The following BLTP2 variants were observed in gnomAD, a reference collection of about 807,000 sequenced individuals.
BLTP2 encodes the protein bridge-like lipid transfer protein family member 2, also known as U937-associated antigen.
the BLTP2 span, chr17:28,637,747 C>T: frequency 7.3e-7 from 1 of 1,365,818 alleles, no homozygotes; most frequent in South Asian, 1.3e-5. Context: ...TCTCAGCTCA[C>T]TGCAAACTCT....
the BLTP2 span, chr17:28,642,106 T>G: frequency 6.2e-7 from 1 of 1,606,352 alleles, no homozygotes. Flanking sequence ...CTCTAAGGTG[T>G]ATGTAAGAAA....
the BLTP2 span, among the ~76,000 whole-genome samples, chr17:28,627,410 ATT>A: frequency 3.5e-5 from 5 of 141,290 alleles, no homozygotes; most frequent in Admixed American, 7.1e-5. Flanking sequence ...CAATACCTCC[ATT>A]TTTTTTTTTT....
chr17:28,632,255 C>A, the BLTP2 span: 1 of 1,579,758 alleles, frequency 6.3e-7, no homozygotes, highest in Non-Finnish European at 8.6e-7. Context: ...AAGAGAAAGA[C>A]AGACATTTCC....
chr17:28,633,482 C>T, the BLTP2 span: 6 of 1,578,534 alleles, frequency 3.8e-6, no homozygotes, highest in Non-Finnish European at 8.7e-7. Context: ...GTCTCTCTTC[C>T]CACATGTGCT....
chr17:28,633,604 T>A, the BLTP2 span: 1 of 1,614,064 alleles, frequency 6.2e-7, no homozygotes, highest in Non-Finnish European at 8.5e-7. Flanking sequence ...CCAGTCTCCA[T>A]GGAACAGAAG....
chr17:28,639,164 G>A, the BLTP2 span: 2 of 767,646 alleles, frequency 2.6e-6, no homozygotes, highest in South Asian at 3.2e-5. Flanking sequence ...TAGTCTAATG[G>A]GAAAGATATA....
At chr17:28,616,947 C>T in the BLTP2 span, 2 of 1,613,982 alleles carry the variant, frequency 1.2e-6, no homozygotes, top group Non-Finnish European at 1.7e-6. This position sits in a 1 kb window ranked among gnomAD's most constrained non-coding sequence, Gnocchi z 4.8. Flanking sequence ...GCTGAAGAGG[C>T]GGAGAGCTAG....
At chr17:28,616,754 C>T in the BLTP2 span, 1 of 1,613,762 alleles carries the variant, frequency 6.2e-7, no homozygotes, top group Non-Finnish European at 8.5e-7. The surrounding 1 kb of genome is among the most constrained non-coding windows in gnomAD (Gnocchi z 4.8). Context: ...CCACATTTAC[C>T]TAAAAAGGAA....
chr17:28,625,417 T>TA, the BLTP2 span, among the ~76,000 whole-genome samples: 1 of 150,988 alleles, frequency 6.6e-6, no homozygotes, highest in African/African-American at 2.4e-5. Flanking sequence ...AATATTCTCT[T>TA]ACCTCTATGC....
chr17:28,628,497 T>A, the BLTP2 span: 1 of 1,614,000 alleles, frequency 6.2e-7, no homozygotes, highest in Admixed American at 1.7e-5. Flanking sequence ...AGGAAATCCG[T>A]AAATCTACTA....
the BLTP2 span, chr17:28,642,483 C>CTACTAAAAA: frequency 1.5e-6 from 1 of 664,352 alleles, no homozygotes; most frequent in Non-Finnish European, 2.6e-6. Flanking sequence ...AACCTCATCT[C>CTACTAAAAA]TACTAAAAAT....
chr17:28,616,480 T>C, the BLTP2 span: 1 of 1,614,204 alleles, frequency 6.2e-7, no homozygotes, highest in Non-Finnish European at 8.5e-7. The surrounding 1 kb of genome is among the most constrained non-coding windows in gnomAD (Gnocchi z 4.8). Context: ...TCTGTTGCAA[T>C]CAGCTGCCGA....
chr17:28,641,770 C>T, the BLTP2 span: 1 of 924,246 alleles, frequency 1.1e-6, no homozygotes, highest in East Asian at 2.4e-5. Context: ...TCCTTAGGGT[C>T]AAAGTCCATG....
the BLTP2 span, chr17:28,642,112 A>T: frequency 6.2e-7 from 1 of 1,605,440 alleles, no homozygotes; most frequent in Non-Finnish European, 8.5e-7. Context: ...GGTGTATGTA[A>T]GAAAGTTTGG....
the BLTP2 span, chr17:28,616,740 G>A: frequency 1.9e-6 from 3 of 1,614,156 alleles, no homozygotes; most frequent in Admixed American, 1.7e-5. This position sits in a 1 kb window ranked among gnomAD's most constrained non-coding sequence, Gnocchi z 4.8. Flanking sequence ...GATGGTGAGA[G>A]GCACCACATT....
chr17:28,615,400 G>A, the BLTP2 span, among the ~76,000 whole-genome samples: 1 of 152,210 alleles, frequency 6.6e-6, no homozygotes, highest in Non-Finnish European at 1.5e-5. Flanking sequence ...GAAGCTTACA[G>A]TCTAATTATA....
chr17:28,616,400 C>A, the BLTP2 span: 5 of 1,614,052 alleles, frequency 3.1e-6, no homozygotes, highest in African/African-American at 2.7e-5. This position sits in a 1 kb window ranked among gnomAD's most constrained non-coding sequence, Gnocchi z 4.8. Context: ...TGCGAAATGA[C>A]CTTCTGACCC....
the BLTP2 span, chr17:28,615,840 G>A: frequency 1.9e-6 from 3 of 1,607,016 alleles, no homozygotes; most frequent in African/African-American, 1.3e-5. Context: ...AGAGGGGTGG[G>A]GAATACATCA....
the BLTP2 span, chr17:28,617,126 C>T: frequency 8.4e-7 from 1 of 1,187,456 alleles, no homozygotes; most frequent in South Asian, 1.3e-5. Flanking sequence ...TTCACCCTCT[C>T]AGATCACCAC....
Sources: gnomAD v4.1 joint callset for allele counts (sites outside exome capture counted in the v4.1 genomes callset) on GRCh38, gnomAD v4.1.1 for gene constraint, Gnocchi (gnomAD v3.1) non-coding constraint, MANE v1.5 for transcripts, NCBI Gene and HGNC (gene_info 2026-07-23, HGNC 2026-07-21) for gene names.